Variants in KPTN observed in about 807,000 individuals in gnomAD.
The protein encoded by KPTN is kaptin, actin binding protein, also known as KICSTOR complex protein kaptin.
Under a neutral mutation model 52.6 loss-of-function variants are expected in KPTN, and 36 were observed. The ratio of observed to expected loss-of-function variants is 0.68; its 90% CI spans 0.52 to 0.90. The LOEUF is 0.90. Among genes scored for constraint, KPTN ranks in the 40% least tolerant of loss-of-function variants. KPTN has a pLI of 0.00. For missense variants in KPTN, 529 were observed against 576.2 expected (o/e 0.92, Z 0.84); for synonymous variants, 271 against 248.4 (o/e 1.09, Z -0.85).
At chr19:47,475,683 G>A (rs1967640456) in intron 11 of KPTN, 139 bp from the exon 12 acceptor site, 2 of 962,726 alleles carry the variant, frequency 2.1e-6, no homozygotes, top group Non-Finnish European at 3.1e-6. Context: ...ACAGTGTGTG[G>A]GATGGGAATG....
upstream of KPTN, among the ~76,000 whole-genome samples, chr19:47,485,279 C>T (rs1968038567): frequency 6.6e-6 from 1 of 152,206 alleles, no homozygotes; most frequent in Non-Finnish European, 1.5e-5. Flanking sequence ...AAAGAAACCT[C>T]TACAAAGAGG....
chr19:47,477,064 G>A, intron 9 of KPTN, 126 bp from the exon 10 acceptor site: 1 of 957,984 alleles, frequency 1.0e-6, no homozygotes, highest in Middle Eastern at 3.3e-4. Flanking sequence ...TCCTCCGGAA[G>A]CCTAGACATC....
rs976738833 is a variant in KPTN, at chr19:47,475,609, G to A, written c.1183-65C>T. The A allele has an allele frequency of 1.8e-5, 28 of 1,581,340 alleles. No individual in the cohort carries two copies. The East Asian group carries it at 2.3e-4, about 13-fold the overall frequency. On this transcript the variant is annotated intron_variant, in intron 11 of 11. Transcript: ENST00000338134. Reference sequence around the variant, plus strand: ...AGAGCTGTGGGACCACAGCGGGACCGTCTGGAGTGAAGCAACTCCAAAGGC... The same window carrying A: ...AGAGCTGTGGGACCACAGCGGGACCATCTGGAGTGAAGCAACTCCAAAGGC...
chr19:47,475,464 C>A lies in KPTN; in HGVS notation c.1263G>T (p.Gly421=), dbSNP rs575461850. Residue 421 remains glycine, a synonymous_variant, in exon 12 of 12, where the codon GGG becomes GGT. Coordinates refer to ENST00000338134, the MANE Select transcript of KPTN (RefSeq NM_007059.4). Reference sequence around the variant, plus strand: ...GCCCTGCACCTGCCCCGTCCTCCAACCCCTGTAGCCGACGTCTCCTCTGCT... The same window carrying A: ...GCCCTGCACCTGCCCCGTCCTCCAAACCCTGTAGCCGACGTCTCCTCTGCT... The part of the protein sequence containing the change: ...QVEQRRRRLQ[G]LEDGAGAGPA... 7.4e-6 allele frequency: 12 copies of A among 1,613,408 alleles called. No individual in the cohort carries two copies. The highest frequency in any genetic ancestry group is 1.3e-5 in the African/African-American group (1 of 74,930).
At chr19:47,482,910 T>C (rs918803775) in intron 4 of KPTN, among the ~76,000 whole-genome samples, 1 of 152,196 alleles carries the variant, frequency 6.6e-6, no homozygotes, top group Non-Finnish European at 1.5e-5. Flanking sequence ...TTTCGCCATG[T>C]TGGCCAGGCT....
At position 47,475,501 on chromosome 19, in the gene KPTN, C is replaced by G. The variant is rs753605556; in HGVS notation, c.1226G>C (p.Arg409Pro). Residue 409 changes from arginine (R) to proline (P), a missense_variant, in exon 12 of 12, where the codon CGA (arginine) becomes CCA (proline). By Grantham distance (103) the Arg-to-Pro change is moderately radical. Transcript: ENST00000338134. Reference protein sequence around the residue: ...QASELVLTRLRHQVEQRRRRL... With the variant: ...QASELVLTRLPHQVEQRRRRL... ...ACGTCTCCTCTGCTCCACTTGATGT[C>G]GAAGCCGGGTCAAGACCAGCTCTGA... is the stretch of plus-strand genomic sequence containing the variant. The G allele has an allele frequency of 1.2e-6, 2 of 1,613,336 alleles. No homozygotes were observed. The highest frequency in any genetic ancestry group is 1.7e-6 in the Non-Finnish European group (2 of 1,179,428).
rs760338691 is a variant in KPTN at position 47,480,300 on chromosome 19, C to A, written c.707G>T (p.Arg236Leu). ...CCCCGCCTCACCGCGGCCCTCACCT[C>A]GACTCCGCTGGTCCACGTGGGCGAC... is the stretch of plus-strand genomic sequence containing the variant. ...VRVAHVDQRS[R>L]EVLQMWSVLQ... Residue 236 changes from arginine (R) to leucine (L), a missense_variant and splice_region_variant, in exon 7 of 12, where the codon CGA becomes CTA. By Grantham distance (102) the Arg-to-Leu change is moderately radical (BLOSUM62 -2). Transcript: ENST00000338134. 3.2e-6 allele frequency: 5 copies of A among 1,541,102 alleles called. No individual in the cohort carries two copies. The highest frequency in any genetic ancestry group is 2.0e-5 in the Admixed American group (1 of 50,514).
chr19:47,484,339 A>G, upstream of KPTN: 3 of 742,852 alleles, frequency 4.0e-6, no homozygotes, highest in South Asian at 1.9e-5. Context: ...CGGGCCTCCC[A>G]GGCGACTTTG....
rs977014684 is a variant in KPTN at position 47,476,889 on chromosome 19, C to G, written c.913G>C (p.Asp305His). 1 of 1,563,244 alleles carries G rather than the reference C, an allele frequency of 6.4e-7. No individual in the cohort carries two copies. The highest frequency in any genetic ancestry group is 8.7e-7 in the Non-Finnish European group (1 of 1,153,262). The stretch of plus-strand genomic sequence containing the variant: ...CTGCAGAGGACGCTGTCAAACTGGT[C>G]ACTGCCGGGCAGGAGAAGCTGGTCT... Reference protein sequence around the residue: ...LEDQLLLPGSDQFDSVLCSLV... With the variant: ...LEDQLLLPGSHQFDSVLCSLV... The change falls in exon 10 of 12, where the codon GAC (aspartate) becomes CAC (histidine). Residue 305 changes from aspartate to histidine, a missense_variant. Transcript: ENST00000338134.
At chr19:47,480,734 G>T in intron 6 of KPTN, 26 bp downstream of exon 6, 2 of 1,606,746 alleles carry the variant, frequency 1.2e-6, no homozygotes, top group Non-Finnish European at 1.7e-6. Flanking sequence ...CCGGTCCCCA[G>T]TGGCCTCTTT....
chr19:47,483,799 C>CG (rs993142819), intron 1 of KPTN, 136 bp downstream of exon 1: 1 of 1,263,908 alleles, frequency 7.9e-7, no homozygotes. Flanking sequence ...TATGCCTGCC[C>CG]GCTGATCCCA....
rs1309632694 is a variant in KPTN at position 47,475,366 on chromosome 19, G to A, written c.*50C>T. On this transcript the variant is annotated 3_prime_UTR_variant, in exon 12 of 12. Coordinates refer to ENST00000338134, the MANE Select transcript of KPTN (RefSeq NM_007059.4). ...ACACCCCCCACCAGCGGCTGGAGGT[G>A]AGCACGCCATGAGTCGCCCCAGGTC... The A allele has an allele frequency of 1.3e-5, 21 of 1,594,002 alleles. No individual in the cohort carries two copies. The highest frequency in any genetic ancestry group is 1.8e-5 in the Non-Finnish European group (21 of 1,168,022).
chr19:47,477,825 C>A, intron 8 of KPTN, 44 bp from the exon 9 acceptor site: 1 of 1,445,934 alleles, frequency 6.9e-7, no homozygotes, highest in Non-Finnish European at 9.7e-7. Flanking sequence ...TTTGGGAGGC[C>A]AAGGCGGGTG....
At chr19:47,485,331 A>G (rs548013999), upstream of KPTN, among the ~76,000 whole-genome samples, 1 of 152,350 alleles carries the variant, frequency 6.6e-6, no homozygotes, top group African/African-American at 2.4e-5. Context: ...GAGGCTCAGA[A>G]AGAGTAAGTC....
chr19:47,483,041 C>T lies in KPTN; in HGVS notation c.449+120G>A, dbSNP rs561949855. Reference sequence around the variant, plus strand: ...GTTTTCAATCCCTAATCTAGTACAACCTCTTTATTTTCCAGAAGGGGAAAC... The same window carrying T: ...GTTTTCAATCCCTAATCTAGTACAATCTCTTTATTTTCCAGAAGGGGAAAC... On this transcript the variant is annotated intron_variant, in intron 4 of 11. Transcript: ENST00000338134. 3.4e-5 allele frequency: 36 copies of T among 1,070,536 alleles called. No individual in the cohort carries two copies. In the East Asian group the frequency reaches 8.3e-4, roughly 25 times the overall value. 66.3% of individuals were successfully genotyped at this position (1,070,536 alleles called of 1,614,324 possible).
In KPTN at chr19:47,483,968, C is replaced by A. The variant is rs1201049280; in HGVS notation, c.193G>T (p.Val65Leu). The change falls in exon 1 of 12, where the codon GTG becomes TTG. Residue 65 changes from valine to leucine, a missense_variant. Coordinates refer to ENST00000338134, the MANE Select transcript of KPTN (RefSeq NM_007059.4). ...YQDLRQKIRP[V>L]AKELQFNYIP... ...TAGTTGAACTGCAGCTCCTTGGCCA[C>A]TGGCCGGATTTTCTGTCGGAGGTCT... 6.2e-7 allele frequency: 1 copy of A among 1,613,702 alleles called. No homozygotes were observed.
At chr19:47,483,895 G>C in intron 1 of KPTN, 40 bp downstream of exon 1, 1 of 1,609,712 alleles carries the variant, frequency 6.2e-7, no homozygotes, top group Non-Finnish European at 8.5e-7. Context: ...TCAACACCAC[G>C]TTCCAGGCCC....
intron 11 of KPTN, 50 bp downstream of exon 11, chr19:47,476,482 C>T: frequency 6.6e-7 from 1 of 1,512,312 alleles, no homozygotes; most frequent in Non-Finnish European, 8.9e-7. Flanking sequence ...GCACCCCCTG[C>T]TCGAAACTGC....
At chr19:47,478,661 T>C (rs896379611) in intron 8 of KPTN, among the ~76,000 whole-genome samples, 3 of 150,476 alleles carry the variant, frequency 2.0e-5, no homozygotes, top group African/African-American at 4.9e-5. Flanking sequence ...TAAGTGGCCA[T>C]TGACTAATGA....
Sources: gnomAD v4.1 joint callset for allele counts (sites outside exome capture counted in the v4.1 genomes callset) on GRCh38, gnomAD v4.1.1 for gene constraint, MANE v1.5 for transcripts, NCBI Gene and HGNC (gene_info 2026-07-23, HGNC 2026-07-21) for gene names.